The following LRRC66 variants were observed in gnomAD, a reference collection of about 807,000 sequenced individuals.
LRRC66 encodes the protein leucine-rich repeat-containing protein 66.
Under a neutral mutation model 24.6 loss-of-function variants are expected in LRRC66, and 29 were observed. The observed-to-expected ratio is 1.18, with a 90% confidence interval of 0.88 to 1.61. LRRC66 has a LOEUF of 1.61. Among genes scored for constraint, LRRC66 ranks in the 40% most tolerant of loss-of-function variants. The probability of loss-of-function intolerance (pLI) is 0.00; values close to 1 mark genes in which losing one functional copy is unlikely to be tolerated. For synonymous variants in LRRC66, 411 were observed against 397.6 expected, an observed-to-expected ratio of 1.03 and a Z score of -0.40; for missense variants, 1,124 against 1,058.0, an observed-to-expected ratio of 1.06 and a Z score of -0.87.
intron 2 of LRRC66, among the ~76,000 whole-genome samples, chr4:52,010,660 G>A (rs868250222): frequency 7.2e-5 from 11 of 152,266 alleles, no homozygotes; most frequent in Middle Eastern, 3.4e-3. Context: ...AGCTGTGTAG[G>A]AGACCATGAT....
In LRRC66 at chr4:51,995,464, G is replaced by C. The variant is rs1197547916; in HGVS notation, c.1558C>G (p.Leu520Val). ...QRHPHAGNRELMSAAQDHIHR... is the reference protein window; with the variant it reads ...QRHPHAGNREVMSAAQDHIHR... ...ATGTGGTCCTGCGCTGCTGACATTA[G>C]TTCACGGTTACCGGCATGTGGATGT... The change falls in exon 5 of 5, where the codon CTA becomes GTA. Residue 520 changes from leucine (L) to valine (V), a missense_variant. Physicochemically the swap from Leu to Val is conservative, Grantham distance 32. Coordinates refer to ENST00000682860, the MANE Select transcript of LRRC66 (RefSeq NM_001024611.3). 4 of 1,614,024 alleles carry C rather than the reference G, an allele frequency of 2.5e-6. No homozygotes were observed. In the Admixed American group the frequency reaches 5.0e-5, roughly 20 times the overall value.
rs1264266082 is a variant in LRRC66 at position 51,995,230 on chromosome 4, GTGCTTC to G, written c.1786_1791del (p.Glu596_Ala597del). 6.2e-7 allele frequency: 1 copy of G among 1,614,182 alleles called. No individual in the cohort carries two copies. The highest frequency in any genetic ancestry group is 1.7e-5 in the Admixed American group (1 of 60,022). On this transcript the variant is annotated inframe_deletion, in exon 5 of 5. Transcript: ENST00000682860. The stretch of plus-strand genomic sequence containing the variant: ...CTTTCCTTACTATCTCCAGTCCTCT[GTGCTTC>G]TGCATGTGTTAGCATTTTACAGAGG...
At chr4:52,019,857 T>C (rs1736903199) in intron 1 of LRRC66, among the ~76,000 whole-genome samples, 1 of 152,166 alleles carries the variant, frequency 6.6e-6, no homozygotes, top group African/African-American at 2.4e-5. Context: ...ATTGCCCTGG[T>C]TCTTTTTAAG....
Position 51,995,044 on chromosome 4 carries a change from C to T in LRRC66, c.1978G>A (p.Asp660Asn), listed in dbSNP as rs1405079899. The change falls in exon 5 of 5, where the codon GAC becomes AAC. Residue 660 changes from aspartate (D) to asparagine (N), a missense_variant. Asp to Asn is a conservative substitution (Grantham distance 23, BLOSUM62 1). Coordinates refer to ENST00000682860, the MANE Select transcript of LRRC66 (RefSeq NM_001024611.3). Reference sequence around the variant, plus strand: ...ACTGATGGGCCTGTGTCTCTTGGGTCACCGTATGGAACCTCGCTGTAGTGG... The same window carrying T: ...ACTGATGGGCCTGTGTCTCTTGGGTTACCGTATGGAACCTCGCTGTAGTGG... ...SAHYSEVPYG[D>N]PRDTGPSVFP... 6 of 1,614,034 alleles carry T rather than the reference C, an allele frequency of 3.7e-6. No individual in the cohort carries two copies. The highest frequency in any genetic ancestry group is 1.7e-5 in the Admixed American group (1 of 60,010).
chr4:51,995,063 G>T lies in LRRC66; in HGVS notation c.1959C>A (p.Tyr653Ter). 1.9e-6 allele frequency: 3 copies of T among 1,614,206 alleles called. No individual in the cohort carries two copies. The highest frequency in any genetic ancestry group is 2.5e-6 in the Non-Finnish European group (3 of 1,180,048). ...ARAEEALSAH[Y>*]SEVPYGDPRD... Reference sequence around the variant, plus strand: ...TTGGGTCACCGTATGGAACCTCGCTGTAGTGGGCTGAAAGCGCTTCCTCAG... The same window carrying T: ...TTGGGTCACCGTATGGAACCTCGCTTTAGTGGGCTGAAAGCGCTTCCTCAG... The change falls in exon 5 of 5, where the codon TAC (tyrosine) becomes TAA (stop). Residue 653 changes from tyrosine (Y) to a stop codon, truncating the protein, a stop_gained. Transcript: ENST00000682860. LOFTEE classifies it low-confidence loss of function (END_TRUNC).
At chr4:52,004,961 T>C (rs1195448156) in intron 2 of LRRC66, among the ~76,000 whole-genome samples, 1 of 152,232 alleles carries the variant, frequency 6.6e-6, no homozygotes, top group Non-Finnish European at 1.5e-5. Flanking sequence ...GTAAAGTTAC[T>C]AGTTATACAG....
intron 2 of LRRC66, among the ~76,000 whole-genome samples, chr4:52,012,642 G>T (rs892032146): frequency 6.6e-6 from 1 of 152,158 alleles, no homozygotes; most frequent in Non-Finnish European, 1.5e-5. Context: ...GTGCATTCAC[G>T]GCTGGGGCTT....
intron 3 of LRRC66, among the ~76,000 whole-genome samples, chr4:52,001,550 T>G (rs908064786): frequency 1.3e-5 from 2 of 152,230 alleles, no homozygotes; most frequent in African/African-American, 4.8e-5. Context: ...CAGACTGCAT[T>G]TATAAAGTAC....
At chr4:52,007,106 C>T (rs766684576) in intron 2 of LRRC66, among the ~76,000 whole-genome samples, 5 of 152,166 alleles carry the variant, frequency 3.3e-5, no homozygotes, top group Non-Finnish European at 7.4e-5. Flanking sequence ...AGTTAATCTG[C>T]TTGTGTCACG....
chr4:52,008,269 T>A (rs1736627709), intron 2 of LRRC66, among the ~76,000 whole-genome samples: 1 of 152,154 alleles, frequency 6.6e-6, no homozygotes, highest in South Asian at 2.1e-4. Context: ...CCTGATTAAA[T>A]AATTTGACCT....
intron 1 of LRRC66, among the ~76,000 whole-genome samples, chr4:52,019,028 C>A (rs1324897767): frequency 6.6e-6 from 1 of 152,172 alleles, no homozygotes; most frequent in African/African-American, 2.4e-5. Context: ...AGGCATGTGC[C>A]ACTACAACTC....
chr4:51,996,137 G>T lies in LRRC66; in HGVS notation c.885C>A (p.Pro295=). 6.2e-7 allele frequency: 1 copy of T among 1,612,716 alleles called. No individual in the cohort carries two copies. Among genetic ancestry groups the T allele is most frequent in the South Asian group, 1.1e-5 (1 of 90,928 alleles). ...GGGTTTCCCTGGAAATCCTGCTCTGGGGAGTGCCCCCGTTGGCCTCCTCAC... is the reference window on the plus strand; with the variant it reads ...GGGTTTCCCTGGAAATCCTGCTCTGTGGAGTGCCCCCGTTGGCCTCCTCAC... ...IGSEEANGGT[P]QSRISRETRL... Residue 295 remains proline (P), a synonymous_variant, in exon 5 of 5, where the codon CCC becomes CCA. Coordinates refer to ENST00000682860, the MANE Select transcript of LRRC66 (RefSeq NM_001024611.3).
intron 1 of LRRC66, among the ~76,000 whole-genome samples, chr4:52,019,393 T>C (rs1736894359): frequency 6.6e-6 from 1 of 152,218 alleles, no homozygotes; most frequent in Admixed American, 6.5e-5. Flanking sequence ...TCTATCTATC[T>C]ATCCAATGTT....
chr4:51,997,789 G>T lies in LRRC66; in HGVS notation c.815C>A (p.Ser272Tyr). Residue 272 changes from serine to tyrosine, a missense_variant, in exon 4 of 5, where the codon TCC becomes TAC. By Grantham distance (144) the Ser-to-Tyr change is moderately radical. Transcript: ENST00000682860. ...VAVFQNFISESWRKKWNVICN... is the reference protein window; with the variant it reads ...VAVFQNFISEYWRKKWNVICN... Reference sequence around the variant, plus strand: ...AATGACATTCCACTTTTTCCTCCAGGATTCAGAAATAAAATTTTGAAAGAC... The same window carrying T: ...AATGACATTCCACTTTTTCCTCCAGTATTCAGAAATAAAATTTTGAAAGAC... The T allele has an allele frequency of 2.5e-6, 4 of 1,613,902 alleles. No homozygotes were observed. Among genetic ancestry groups the T allele is most frequent in the Non-Finnish European group, 3.4e-6 (4 of 1,179,942 alleles).
chr4:52,008,867 T>G (rs1736641363), intron 2 of LRRC66, among the ~76,000 whole-genome samples: 1 of 152,152 alleles, frequency 6.6e-6, no homozygotes, highest in South Asian at 2.1e-4. Context: ...TATTTTTTCT[T>G]ATATTTAAAT....
At chr4:52,004,478 A>G (rs1417146703) in intron 2 of LRRC66, among the ~76,000 whole-genome samples, 1 of 152,192 alleles carries the variant, frequency 6.6e-6, no homozygotes, top group Non-Finnish European at 1.5e-5. Flanking sequence ...ATTTCACTTG[A>G]TTTCAGAGAG....
rs1736494693 is a variant in LRRC66 at position 52,003,225 on chromosome 4, G to A, written c.664C>T (p.Gln222Ter). 2 of 1,605,490 alleles carry A rather than the reference G, an allele frequency of 1.2e-6. No individual in the cohort carries two copies. The highest frequency in any genetic ancestry group is 8.5e-7 in the Non-Finnish European group (1 of 1,176,562). The change falls in exon 3 of 5, where the codon CAG (glutamine) becomes TAG (stop). Residue 222 changes from glutamine (Q) to a stop codon, truncating the protein, a stop_gained and splice_region_variant. Coordinates refer to ENST00000682860, the MANE Select transcript of LRRC66 (RefSeq NM_001024611.3). LOFTEE classifies it high-confidence loss of function. Reference sequence around the variant, plus strand: ...TATTATAAAAATGATTTTAGAACCTGTAATTTTTTGAGGTCCTTGAAGGCT... The same window carrying A: ...TATTATAAAAATGATTTTAGAACCTATAATTTTTTGAGGTCCTTGAAGGCT... ...PQAFKDLKKL[Q>*]VIDLSNNALI...
intron 3 of LRRC66, among the ~76,000 whole-genome samples, chr4:52,001,964 T>C (rs1736456478): frequency 6.6e-6 from 1 of 152,206 alleles, no homozygotes; most frequent in Admixed American, 6.5e-5. Flanking sequence ...ATTTAACAAG[T>C]ATTTAAACAT....
intron 4 of LRRC66, among the ~76,000 whole-genome samples, chr4:51,996,750 G>A (rs1439445894): frequency 6.6e-6 from 1 of 152,192 alleles, no homozygotes; most frequent in Non-Finnish European, 1.5e-5. Context: ...GTTGCTCAGA[G>A]GTCCTGGAGG....
Sources: gnomAD v4.1 joint callset for allele counts (sites outside exome capture counted in the v4.1 genomes callset) on GRCh38, gnomAD v4.1.1 for gene constraint, MANE v1.5 for transcripts, NCBI Gene and HGNC (gene_info 2026-07-23, HGNC 2026-07-21) for gene names.